Variants in ZBTB40 observed in about 807,000 individuals in gnomAD.
ZBTB40 encodes zinc finger and BTB domain containing 40, also known as zinc finger and BTB domain-containing protein 40.
Under a neutral mutation model 117.5 loss-of-function variants are expected in ZBTB40, and 60 were observed. The observed-to-expected ratio is 0.51, with a 90% CI of 0.41 to 0.63. The LOEUF is 0.63. Among genes scored for constraint, ZBTB40 ranks in the 30% least tolerant of loss-of-function variants. ZBTB40 has a pLI of 0.00. For synonymous variants in ZBTB40, 525 were observed against 577.1 expected (o/e 0.91, Z 1.29); for missense variants, 1,287 against 1,498.5 (o/e 0.86, Z 2.33).
At chr1:22,510,651 G>A (rs2124456873) in intron 9 of ZBTB40, among the ~76,000 whole-genome samples, 1 of 152,220 alleles carries the variant, frequency 6.6e-6, no homozygotes, top group Non-Finnish European at 1.5e-5. Flanking sequence ...GCTTCTATTT[G>A]AACCTTCTTT....
At chr1:22,503,454 G>A (rs1638998185) in intron 5 of ZBTB40, among the ~76,000 whole-genome samples, 1 of 151,912 alleles carries the variant, frequency 6.6e-6, no homozygotes, top group Non-Finnish European at 1.5e-5. Flanking sequence ...GAGTACTTTT[G>A]TGGCATCAAT....
intron 13 of ZBTB40, 114 bp downstream of exon 13, chr1:22,517,578 C>T: frequency 4.6e-6 from 6 of 1,300,668 alleles, no homozygotes; most frequent in Non-Finnish European, 5.2e-6. Flanking sequence ...AGTGCATTCC[C>T]CTTACCTGTT....
chr1:22,507,636 G>A (rs1231707964), intron 6 of ZBTB40, among the ~76,000 whole-genome samples: 4 of 152,246 alleles, frequency 2.6e-5, no homozygotes, highest in East Asian at 3.9e-4. Flanking sequence ...ATTCGTGCTC[G>A]TCTTTAGGAT....
At chr1:22,429,019 G>A (rs1408112038) in intron 1 of ZBTB40, among the ~76,000 whole-genome samples, 2 of 152,208 alleles carry the variant, frequency 1.3e-5, no homozygotes, top group African/African-American at 2.4e-5. Flanking sequence ...CTGCTAGTAA[G>A]TCTAAATCTA....
intron 6 of ZBTB40, among the ~76,000 whole-genome samples, chr1:22,506,753 A>G (rs973019043): frequency 6.6e-6 from 1 of 152,314 alleles, no homozygotes; most frequent in Non-Finnish European, 1.5e-5. Context: ...GTCCCAGAGC[A>G]TTTAGGACTC....
intron 6 of ZBTB40, among the ~76,000 whole-genome samples, chr1:22,507,254 C>T (rs535159037): frequency 6.6e-6 from 1 of 152,298 alleles, no homozygotes; most frequent in African/African-American, 2.4e-5. Flanking sequence ...GTACCTATCA[C>T]ATTCGTTTTT....
At chr1:22,466,485 T>C (rs751733234) in intron 1 of ZBTB40, among the ~76,000 whole-genome samples, 8 of 152,164 alleles carry the variant, frequency 5.3e-5, no homozygotes, top group Non-Finnish European at 1.0e-4. Context: ...GGTGGCACCA[T>C]CTTATGTTCC....
At chr1:22,461,505 G>A (rs939110625) in intron 1 of ZBTB40, among the ~76,000 whole-genome samples, 8 of 152,048 alleles carry the variant, frequency 5.3e-5, no homozygotes, top group African/African-American at 1.9e-4. Context: ...TAACCCTCTT[G>A]ACATACTCCC....
At chr1:22,448,911 C>A (rs886189525), upstream of ZBTB40, among the ~76,000 whole-genome samples, 1 of 151,998 alleles carries the variant, frequency 6.6e-6, no homozygotes, top group Non-Finnish European at 1.5e-5. Context: ...CTCCCAGGTT[C>A]AAGCAATTCT....
intron 1 of ZBTB40, among the ~76,000 whole-genome samples, chr1:22,461,044 C>A (rs922673761): frequency 6.6e-6 from 1 of 152,040 alleles, no homozygotes; most frequent in Non-Finnish European, 1.5e-5. Context: ...TACTTACCTC[C>A]TAGTATGATG....
At position 22,526,336 on chromosome 1, in the gene ZBTB40, G is replaced by A. The variant is rs372882877; in HGVS notation, c.3660G>A (p.Ala1220=). The change falls in exon 18 of 18, where the codon GCG becomes GCA. Residue 1220 remains alanine, a synonymous_variant. Coordinates refer to ENST00000375647, the MANE Select transcript of ZBTB40 (RefSeq NM_014870.4). The part of the protein sequence containing the change: ...QASQASSELV[A]VTVEDLLDGT... ...CTCAGGCCAGCTCTGAGCTCGTGGC[G>A]GTGACTGTGGAGGACTTGCTGGATG... 67 of 1,614,060 alleles carry A rather than the reference G, an allele frequency of 4.2e-5. No individual in the cohort carries two copies. The highest frequency in any genetic ancestry group is 4.8e-5 in the Non-Finnish European group (57 of 1,180,034).
intron 16 of ZBTB40, among the ~76,000 whole-genome samples, chr1:22,522,684 T>C (rs1351910074): frequency 1.3e-5 from 2 of 152,308 alleles, no homozygotes; most frequent in Non-Finnish European, 2.9e-5. Context: ...ACTGTGATTG[T>C]CATTGTTATT....
At chr1:22,469,090 A>G (rs1408245829) in intron 1 of ZBTB40, among the ~76,000 whole-genome samples, 1 of 151,762 alleles carries the variant, frequency 6.6e-6, no homozygotes, top group Non-Finnish European at 1.5e-5. Context: ...TGGCCTCCCA[A>G]AGTGCTGGGA....
chr1:22,514,443 C>G (rs914193834), intron 12 of ZBTB40, among the ~76,000 whole-genome samples: 1 of 152,306 alleles, frequency 6.6e-6, no homozygotes, highest in African/African-American at 2.4e-5. Flanking sequence ...GTTCCTGATT[C>G]CTCTCTGACT....
rs1003628372 is a variant in ZBTB40 at position 22,491,553 on chromosome 1, G to T, written c.831+20G>T. 8.1e-6 allele frequency: 13 copies of T among 1,612,552 alleles called. No individual in the cohort carries two copies. The highest frequency in any genetic ancestry group is 1.1e-5 in the Non-Finnish European group (13 of 1,179,132). On this transcript the variant is annotated intron_variant, in intron 3 of 17. Transcript: ENST00000375647. ...AAGGAGGTAGGCACCTCTGACTTTT[G>T]TACTTGTTTGCTAGTTTAGTGTTCT...
chr1:22,511,481 T>A, intron 10 of ZBTB40, 134 bp downstream of exon 10: 2 of 1,350,936 alleles, frequency 1.5e-6, no homozygotes, highest in Admixed American at 2.3e-5. Context: ...TCTGAATACC[T>A]AAAAAAGTCA....
chr1:22,507,066 G>A (rs955652307), intron 6 of ZBTB40, among the ~76,000 whole-genome samples: 1 of 152,106 alleles, frequency 6.6e-6, no homozygotes, highest in Non-Finnish European at 1.5e-5. Flanking sequence ...GATGTATATG[G>A]TGTATTATTC....
At chr1:22,460,275 CTTG>C (rs1205517808) in intron 1 of ZBTB40, among the ~76,000 whole-genome samples, 2 of 152,086 alleles carry the variant, frequency 1.3e-5, no homozygotes, top group African/African-American at 4.8e-5. Flanking sequence ...AAAGGTCATC[CTTG>C]TTGTATTTCT....
rs950339659 is a variant in ZBTB40 at position 22,530,348 on chromosome 1, TGTC to T, written c.*3953_*3955del. 1 of 152,202 alleles carries T rather than the reference TGTC, an allele frequency of 6.6e-6. No individual in the cohort carries two copies. The highest frequency in any genetic ancestry group is 2.4e-5 in the African/African-American group (1 of 41,396). The allele number at this position is 152,202 out of a possible 1,614,324, so 9.4% of individuals were successfully genotyped here. On this transcript the variant is annotated 3_prime_UTR_variant, in exon 18 of 18. Transcript: ENST00000375647. ...AGAGGCACGTTGATCCTTGTTTTGT[TGTC>T]ATGGAAACTTCGGGGCTGGTGGGAC... is the stretch of plus-strand genomic sequence containing the variant.
Sources: gnomAD v4.1 joint callset for allele counts (sites outside exome capture counted in the v4.1 genomes callset) on GRCh38, gnomAD v4.1.1 for gene constraint, MANE v1.5 for transcripts, NCBI Gene and HGNC (gene_info 2026-07-23, HGNC 2026-07-21) for gene names.